The following CKAP2 variants were observed in gnomAD, a reference collection of about 807,000 sequenced individuals.
The protein encoded by CKAP2 is cytoskeleton-associated protein 2.
CKAP2 carries 46 observed loss-of-function variants against 58.4 expected under a neutral mutation model. The ratio of observed to expected loss-of-function variants is 0.79; its 90% confidence interval spans 0.62 to 1.01. CKAP2 has a LOEUF of 1.01. CKAP2 is among the 50% of genes least tolerant of loss of function. The probability of loss-of-function intolerance (pLI) is 0.00; values close to 1 mark genes in which losing one functional copy is unlikely to be tolerated. For missense variants in CKAP2, 809 were observed against 796.4 expected, an observed-to-expected ratio of 1.02 and a Z score of -0.19; for synonymous variants, 293 against 280.9, an observed-to-expected ratio of 1.04 and a Z score of -0.43.
intron 6 of CKAP2, among the ~76,000 whole-genome samples, chr13:52,467,375 A>G (rs1239003176): frequency 6.6e-6 from 1 of 152,192 alleles, no homozygotes; most frequent in Non-Finnish European, 1.5e-5. Context: ...CTTAAATGTA[A>G]GAGAAAAGGA....
intron 7 of CKAP2, among the ~76,000 whole-genome samples, chr13:52,472,206 T>C (rs1161201130): frequency 6.7e-6 from 1 of 149,910 alleles, no homozygotes; most frequent in Non-Finnish European, 1.5e-5. Context: ...TGCTCCCTGT[T>C]TTTTTCCCTA....
At chr13:52,463,014 T>C (rs1441914059) in intron 5 of CKAP2, among the ~76,000 whole-genome samples, 1 of 152,232 alleles carries the variant, frequency 6.6e-6, no homozygotes, top group Non-Finnish European at 1.5e-5. Flanking sequence ...CTCAGCTCAC[T>C]GTAACCTCTG....
rs958476706 is a variant in CKAP2, at chr13:52,474,093, T to C, written c.1802+9T>C. 2.5e-6 allele frequency: 4 copies of C among 1,601,142 alleles called. No homozygotes were observed. Among genetic ancestry groups the C allele is most frequent in the Non-Finnish European group, 3.4e-6 (4 of 1,173,472 alleles). ...ACGCCATACTTGCAAAGGTAAACTTTTAAAATGTACCATGATTTGTTTTCA... is the reference window on the plus strand; with the variant it reads ...ACGCCATACTTGCAAAGGTAAACTTCTAAAATGTACCATGATTTGTTTTCA... On this transcript the variant is annotated intron_variant, in intron 8 of 8. Coordinates refer to ENST00000258607, the MANE Select transcript of CKAP2 (RefSeq NM_018204.5).
chr13:52,457,770 CT>C (rs1290514324), intron 2 of CKAP2, among the ~76,000 whole-genome samples: 1 of 152,088 alleles, frequency 6.6e-6, no homozygotes, highest in Non-Finnish European at 1.5e-5. Flanking sequence ...AGGAGAATCG[CT>C]TGAACCTGGG....
At chr13:52,463,045 C>T (rs1958609715) in intron 5 of CKAP2, among the ~76,000 whole-genome samples, 1 of 152,324 alleles carries the variant, frequency 6.6e-6, no homozygotes, top group East Asian at 1.9e-4. Context: ...TGAAGCCCTT[C>T]TCCTGCCTCA....
chr13:52,462,458 A>G lies in CKAP2; in HGVS notation c.1196A>G (p.Glu399Gly), dbSNP rs200158115. Residue 399 changes from glutamate (E) to glycine (G), a missense_variant, in exon 5 of 9, where the codon GAA (glutamate) becomes GGA (glycine). Glu to Gly is a moderately conservative substitution (Grantham distance 98). Coordinates refer to ENST00000258607, the MANE Select transcript of CKAP2 (RefSeq NM_018204.5). ...CAGCATGAGCCTGCAGGACAAAATG[A>G]AAAACCAGTTGGGTCTTTTTGGACT... ...VTQHEPAGQN[E>G]KPVGSFWTTM... The G allele has an allele frequency of 5.6e-6, 9 of 1,614,158 alleles. No homozygotes were observed. The East Asian group carries it at 2.0e-4, about 36-fold the overall frequency.
chr13:52,466,292 G>A (rs1344398837), intron 6 of CKAP2, among the ~76,000 whole-genome samples: 1 of 151,974 alleles, frequency 6.6e-6, no homozygotes, highest in Non-Finnish European at 1.5e-5. Flanking sequence ...TTTTGACCAG[G>A]TTTCTCAGAA....
intron 2 of CKAP2, 96 bp from the exon 3 acceptor site, chr13:52,460,803 C>A: frequency 9.0e-6 from 9 of 1,004,456 alleles, no homozygotes; most frequent in Non-Finnish European, 1.3e-5. Context: ...ATTAGTAAGT[C>A]AGTTAATTGT....
chr13:52,467,867 T>G (rs1348407253), intron 6 of CKAP2, among the ~76,000 whole-genome samples: 3 of 151,756 alleles, frequency 2.0e-5, no homozygotes, highest in Non-Finnish European at 4.4e-5. Context: ...TAGAGTGCAG[T>G]GGCATGATCT....
At chr13:52,471,519 AAAG>A (rs1958761437) in intron 7 of CKAP2, among the ~76,000 whole-genome samples, 2 of 152,256 alleles carry the variant, frequency 1.3e-5, no homozygotes, top group African/African-American at 2.4e-5. Flanking sequence ...AAAAAAAAAA[AAAG>A]GACAAATAAT....
intron 2 of CKAP2, among the ~76,000 whole-genome samples, chr13:52,459,367 G>A (rs1248315451): frequency 1.3e-5 from 2 of 151,948 alleles, no homozygotes; most frequent in Non-Finnish European, 2.9e-5. Context: ...CTGTCGCCTA[G>A]GCTATAGTGC....
rs571380693 is a variant in CKAP2 at position 52,475,758 on chromosome 13, T to A, written c.*617T>A. The A allele has an allele frequency of 6.6e-6, 1 of 152,322 alleles. No homozygotes were observed. Among genetic ancestry groups the A allele is most frequent in the South Asian group, 2.1e-4 (1 of 4,830 alleles). The allele number at this position is 152,322 out of a possible 1,614,324, so 9.4% of individuals were successfully genotyped here. A position where few individuals can be genotyped will look rare whatever the true frequency, so the allele number is the denominator to read the frequency against. ...CTGCACTGACACTTTTCGTCAGTAG[T>A]CTGTAGTTTCGTGGCCTCTTTTGAT... On this transcript the variant is annotated 3_prime_UTR_variant, in exon 9 of 9. Coordinates refer to ENST00000258607, the MANE Select transcript of CKAP2 (RefSeq NM_018204.5).
intron 5 of CKAP2, among the ~76,000 whole-genome samples, chr13:52,462,833 A>C (rs1958607038): frequency 6.6e-6 from 1 of 152,194 alleles, no homozygotes; most frequent in Non-Finnish European, 1.5e-5. Context: ...CCTTATCCAA[A>C]ATGCTTGGGA....
intron 7 of CKAP2, among the ~76,000 whole-genome samples, chr13:52,472,269 G>A (rs573303675): frequency 6.6e-6 from 1 of 152,156 alleles, no homozygotes; most frequent in African/African-American, 2.4e-5. Flanking sequence ...CCTGTCTTTT[G>A]CATATGTAAA....
chr13:52,462,612 C>A (rs1309800008), intron 5 of CKAP2, 45 bp downstream of exon 5: 2 of 1,426,060 alleles, frequency 1.4e-6, no homozygotes, highest in East Asian at 2.3e-5. Context: ...TTGCAAATTA[C>A]CTTCATAAGC....
At chr13:52,468,057 G>A (rs556065257) in intron 6 of CKAP2, among the ~76,000 whole-genome samples, 4 of 151,990 alleles carry the variant, frequency 2.6e-5, no homozygotes, top group Non-Finnish European at 4.4e-5. Context: ...TGATCTGCCC[G>A]TCTAGGCCTC....
rs1346188094 is a variant in CKAP2, at chr13:52,455,606, G to A, written c.50G>A (p.Arg17Lys). Residue 17 changes from arginine (R) to lysine (K), a missense_variant, in exon 1 of 9, where the codon AGG becomes AAG. Arg to Lys is a conservative substitution (Grantham distance 26). This residue lies in a region of CKAP2 where 523 missense variants were observed against 492.4 expected (regional missense o/e 1.06). Transcript: ENST00000258607. ...PQDLQLPPSQ[R>K]AQSAFKEQRR... ...GACCTGCAGCTGCCCCCGAGTCAGA[G>A]GGCGCAGTCCGCATTCAAAGGTGAA... The A allele has an allele frequency of 6.2e-7, 1 of 1,611,616 alleles. No individual in the cohort carries two copies. Among genetic ancestry groups the A allele is most frequent in the Non-Finnish European group, 8.5e-7 (1 of 1,179,326 alleles).
chr13:52,460,718 C>G, intron 2 of CKAP2, among the ~76,000 whole-genome samples, 181 bp from the exon 3 acceptor site: 1 of 149,272 alleles, frequency 6.7e-6, no homozygotes, highest in Non-Finnish European at 1.5e-5. Flanking sequence ...TCCCAAAGTG[C>G]TGGGATTACA....
chr13:52,466,954 GTTT>G (rs879875807), intron 6 of CKAP2, among the ~76,000 whole-genome samples: 2 of 148,846 alleles, frequency 1.3e-5, no homozygotes, highest in Admixed American at 1.3e-4. Flanking sequence ...AATTTTTAAA[GTTT>G]TTTTTTTGGT....
Sources: gnomAD v4.1 joint callset for allele counts (sites outside exome capture counted in the v4.1 genomes callset) on GRCh38, gnomAD v4.1.1 for gene constraint, gnomAD v4.1.1 regional missense constraint, MANE v1.5 for transcripts, NCBI Gene and HGNC (gene_info 2026-07-23, HGNC 2026-07-21) for gene names.